Variants in XKR6 observed in about 807,000 individuals in gnomAD.
XKR6 encodes XK-related protein 6.
In XKR6, 22 loss-of-function variants were observed where a neutral mutation model predicts 56.7. The observed-to-expected ratio is 0.39, with a 90% CI of 0.28 to 0.55. XKR6 has a LOEUF of 0.55. Ranked by LOEUF, XKR6 falls within the 20% of genes least tolerant of loss-of-function variation. The pLI, the probability that XKR6 is intolerant of heterozygous loss-of-function variation, is 0.66. For missense variants in XKR6, 852 were observed against 889.0 expected, an observed-to-expected ratio of 0.96 and a Z score of 0.53; for synonymous variants, 524 against 387.8, an observed-to-expected ratio of 1.35 and a Z score of -4.13.
intron 1 of XKR6, among the ~76,000 whole-genome samples, chr8:11,102,893 A>C (rs1798537192): frequency 1.3e-5 from 2 of 152,122 alleles, no homozygotes; most frequent in African/African-American, 2.4e-5. Context: ...TCTTGCTCTG[A>C]GTTTCAAACC....
intron 1 of XKR6, among the ~76,000 whole-genome samples, chr8:11,149,988 A>T (rs1214709297): frequency 6.6e-6 from 1 of 152,204 alleles, no homozygotes; most frequent in Non-Finnish European, 1.5e-5. Context: ...AAAGACAAAT[A>T]TTGCATGTAC....
At chr8:11,181,288 T>A (rs1802966163) in intron 1 of XKR6, among the ~76,000 whole-genome samples, 1 of 152,208 alleles carries the variant, frequency 6.6e-6, no homozygotes, top group African/African-American at 2.4e-5. Flanking sequence ...ATAATGAAAT[T>A]TTTTCTTAAA....
intron 1 of XKR6, among the ~76,000 whole-genome samples, chr8:10,955,433 G>A (rs991742728): frequency 6.6e-6 from 1 of 152,066 alleles, no homozygotes; most frequent in Non-Finnish European, 1.5e-5. Context: ...CCCCCATGTA[G>A]GCCTCCCAAA....
At chr8:11,033,930 G>A (rs1294398652) in intron 1 of XKR6, among the ~76,000 whole-genome samples, 1 of 152,210 alleles carries the variant, frequency 6.6e-6, no homozygotes, top group African/African-American at 2.4e-5. Flanking sequence ...GAGGCCTGCA[G>A]AGAAGCAGCT....
chr8:11,113,580 A>G (rs1184613631), intron 1 of XKR6, among the ~76,000 whole-genome samples: 2 of 152,220 alleles, frequency 1.3e-5, no homozygotes, highest in African/African-American at 4.8e-5. Context: ...TAGAAAAAAA[A>G]GTTGTGGCAA....
intron 2 of XKR6, among the ~76,000 whole-genome samples, chr8:10,900,047 G>T (rs1799992626): frequency 6.6e-6 from 1 of 151,866 alleles, no homozygotes; most frequent in African/African-American, 2.4e-5. Flanking sequence ...TCCATCTGGG[G>T]CCTCTTTTGC....
intron 1 of XKR6, among the ~76,000 whole-genome samples, chr8:10,976,819 C>T (rs1289211621): frequency 6.6e-6 from 1 of 152,036 alleles, no homozygotes; most frequent in Admixed American, 6.6e-5. Context: ...TAGGATTTTA[C>T]TTGCAATCCT....
intron 1 of XKR6, among the ~76,000 whole-genome samples, chr8:10,948,143 C>T (rs1801607494): frequency 6.6e-6 from 1 of 152,196 alleles, no homozygotes; most frequent in African/African-American, 2.4e-5. Context: ...CTCGCAACAA[C>T]CCTATGAGGT....
chr8:11,112,124 G>T (rs1439602267), intron 1 of XKR6, among the ~76,000 whole-genome samples: 1 of 152,074 alleles, frequency 6.6e-6, no homozygotes, highest in Non-Finnish European at 1.5e-5. Context: ...TAATTATAGA[G>T]TATTTACTGG....
chr8:11,100,249 T>G (rs1798420543), intron 1 of XKR6, among the ~76,000 whole-genome samples: 2 of 152,138 alleles, frequency 1.3e-5, no homozygotes, highest in Non-Finnish European at 1.5e-5. Context: ...AGACGGGGTC[T>G]TGCCACGTTG....
intron 1 of XKR6, among the ~76,000 whole-genome samples, chr8:11,196,982 G>C (rs1006297615): frequency 1.3e-5 from 2 of 152,142 alleles, no homozygotes; most frequent in African/African-American, 2.4e-5. Context: ...ATTTTGTAGA[G>C]AGCTGCATAT....
At chr8:11,124,108 ATTTAC>A (rs757612739) in intron 1 of XKR6, 2 of 423,934 alleles carry the variant, frequency 4.7e-6, no homozygotes, top group African/African-American at 2.0e-5. Flanking sequence ...ATTTTTACTT[ATTTAC>A]TTTATCTTCC....
chr8:11,153,376 C>A (rs1344327608), intron 1 of XKR6, among the ~76,000 whole-genome samples: 1 of 152,172 alleles, frequency 6.6e-6, no homozygotes, highest in African/African-American at 2.4e-5. Flanking sequence ...AAAATGTGAG[C>A]AGTATCAATA....
intron 1 of XKR6, among the ~76,000 whole-genome samples, chr8:11,063,305 AG>A (rs1489790670): frequency 3.3e-5 from 5 of 151,822 alleles, no homozygotes; most frequent in African/African-American, 9.7e-5. Flanking sequence ...AAAAATGTAA[AG>A]AAAGAACAAA....
rs1273310986 is a variant in XKR6 at position 11,201,127 on chromosome 8, G to T, written c.213C>A (p.Ser71=). 1.3e-6 allele frequency: 2 copies of T among 1,510,976 alleles called. No individual in the cohort carries two copies. The highest frequency in any genetic ancestry group is 2.9e-5 in the African/African-American group (2 of 69,466). The allele number at this position is 1,510,976 out of a possible 1,614,324, so 93.6% of individuals were successfully genotyped here. A position where few individuals can be genotyped will look rare whatever the true frequency, so the allele number is the denominator to read the frequency against. Residue 71 remains serine (S), a synonymous_variant, in exon 1 of 3, where the codon TCC becomes TCA. Coordinates refer to ENST00000416569, the MANE Select transcript of XKR6 (RefSeq NM_173683.4). ...TGCCCAGGAGGGAGCGCAGGCAGGCGGAGCGGCAGCCCCAGTAGCACGAGG... is the reference window on the plus strand; with the variant it reads ...TGCCCAGGAGGGAGCGCAGGCAGGCTGAGCGGCAGCCCCAGTAGCACGAGG... The part of the protein sequence containing the change: ...NTSSCYWGCR[S]ACLRSLLGRK...
At chr8:10,908,062 G>A (rs1800233023) in intron 2 of XKR6, among the ~76,000 whole-genome samples, 1 of 152,220 alleles carries the variant, frequency 6.6e-6, no homozygotes, top group South Asian at 2.1e-4. Context: ...CCTTTTGCGT[G>A]GGAGGATGTA....
chr8:10,948,493 G>T (rs888399742), intron 1 of XKR6, among the ~76,000 whole-genome samples: 1 of 152,096 alleles, frequency 6.6e-6, no homozygotes, highest in Non-Finnish European at 1.5e-5. Context: ...TGAGATGAGC[G>T]GGGAAGACCA....
At chr8:11,149,182 G>A (rs73530511) in intron 1 of XKR6, among the ~76,000 whole-genome samples, 6,870 of 152,190 alleles carry the variant, frequency 0.045, 334 homozygotes, top group African/African-American at 0.12. Flanking sequence ...AAAACATTCC[G>A]AGAAATGCAT....
At chr8:11,011,051 T>C (rs1456402111) in intron 1 of XKR6, among the ~76,000 whole-genome samples, 1 of 152,222 alleles carries the variant, frequency 6.6e-6, no homozygotes, top group African/African-American at 2.4e-5. Context: ...ATTATCCCTG[T>C]TTAACAGATG....
Sources: gnomAD v4.1 joint callset for allele counts (sites outside exome capture counted in the v4.1 genomes callset) on GRCh38, gnomAD v4.1.1 for gene constraint, MANE v1.5 for transcripts, NCBI Gene and HGNC (gene_info 2026-07-23, HGNC 2026-07-21) for gene names.